ZNF136: variants seen among roughly 807,000 people sequenced by gnomAD.
ZNF136 encodes the protein zinc finger protein 136.
In ZNF136, 8 loss-of-function variants were observed where a neutral mutation model predicts 11.4. The ratio of observed to expected loss-of-function variants is 0.70; its 90% CI spans 0.41 to 1.27. The LOEUF is 1.27. Among genes scored for constraint, ZNF136 ranks in the 50% most tolerant of loss-of-function variants. The pLI, the probability that ZNF136 is intolerant of heterozygous loss-of-function variation, is 0.01. For synonymous variants in ZNF136, 190 were observed against 207.1 expected (o/e 0.92, Z 0.71); for missense variants, 590 against 656.5 (o/e 0.90, Z 1.11).
At chr19:12,168,040 T>C (rs1327251281) in intron 1 of ZNF136, among the ~76,000 whole-genome samples, 3 of 150,388 alleles carry the variant, frequency 2.0e-5, no homozygotes, top group Non-Finnish European at 4.4e-5. Context: ...ATGCCCATTT[T>C]TTTTTCTTTT....
At chr19:12,180,191 C>A (rs1262565016) in intron 1 of ZNF136, among the ~76,000 whole-genome samples, 9 of 152,188 alleles carry the variant, frequency 5.9e-5, no homozygotes, top group Non-Finnish European at 2.9e-5. Flanking sequence ...TTAAAAGTCT[C>A]CCTTATTAGT....
In ZNF136 at chr19:12,186,127, G is replaced by A. The variant is rs1346316831; in HGVS notation, c.144G>A (p.Lys48=). 1 of 1,608,928 alleles carries A rather than the reference G, an allele frequency of 6.2e-7. No individual in the cohort carries two copies. Among genetic ancestry groups the A allele is most frequent in the Non-Finnish European group, 8.5e-7 (1 of 1,178,770 alleles). Residue 48 remains lysine (K), a synonymous_variant, in exon 3 of 4, where the codon AAG becomes AAA. Transcript: ENST00000343979. ...RNLASIGKKW[K]DQNIKDHYKH... The stretch of plus-strand genomic sequence containing the variant: ...TCTCTGTTTTAGGGAAAAAATGGAA[G>A]GACCAGAACATTAAAGATCACTACA...
chr19:12,185,803 G>A lies in ZNF136; in HGVS notation c.22G>A (p.Asp8Asn). The A allele has an allele frequency of 6.2e-7, 1 of 1,613,626 alleles. No homozygotes were observed. Among genetic ancestry groups the A allele is most frequent in the Non-Finnish European group, 8.5e-7 (1 of 1,179,900 alleles). The stretch of plus-strand genomic sequence containing the variant: ...GTTTCAGGACTCGGTGGCTTTTGAG[G>A]ATGTAGATGTGAACTTCACCCAGGA... MDSVAFE[D>N]VDVNFTQEEW... Residue 8 changes from aspartate to asparagine, a missense_variant, in exon 2 of 4, where the codon GAT becomes AAT. By Grantham distance (23) the Asp-to-Asn change is conservative. Transcript: ENST00000343979.
At chr19:12,170,094 A>AT (rs1052060908) in intron 1 of ZNF136, among the ~76,000 whole-genome samples, 3 of 119,896 alleles carry the variant, frequency 2.5e-5, no homozygotes, top group African/African-American at 8.7e-5. Flanking sequence ...ACGCCCGGCC[A>AT]TTTTTTTGTA....
At position 12,163,284 on chromosome 19, in the gene ZNF136, C is replaced by T. The variant is rs367887236; in HGVS notation, c.3+78C>T. ...GACCGGAACTGGCTGTGGCGCGGCC[C>T]GGGCCTTCCCGTGGGCGACTCTGGG... On this transcript the variant is annotated intron_variant, in intron 1 of 3. Coordinates refer to ENST00000343979, the MANE Select transcript of ZNF136 (RefSeq NM_003437.5). 3.9e-3 allele frequency: 5,202 copies of T among 1,328,414 alleles called. 20 individuals are homozygous for T. The highest frequency in any genetic ancestry group is 4.7e-3 in the Non-Finnish European group (4,790 of 1,028,564). 82.3% of individuals were successfully genotyped at this position (1,328,414 alleles called of 1,614,324 possible).
At chr19:12,184,409 A>C (rs1419383212) in intron 1 of ZNF136, among the ~76,000 whole-genome samples, 1 of 152,002 alleles carries the variant, frequency 6.6e-6, no homozygotes, top group Non-Finnish European at 1.5e-5. Flanking sequence ...AAAATACAAA[A>C]AATTAGTCAG....
intron 1 of ZNF136, chr19:12,164,931 C>T (rs1234600813): frequency 6.6e-6 from 1 of 152,170 alleles, no homozygotes; most frequent in Non-Finnish European, 1.5e-5. Flanking sequence ...CACCCTATAG[C>T]TTAACAGTGC....
chr19:12,167,597 C>T (rs1013759696), intron 1 of ZNF136, among the ~76,000 whole-genome samples: 1 of 152,164 alleles, frequency 6.6e-6, no homozygotes, highest in Non-Finnish European at 1.5e-5. Flanking sequence ...CGGTGGCTCA[C>T]GCCTGAAATC....
chr19:12,166,769 AAACATT>A (rs2145625739), intron 1 of ZNF136, among the ~76,000 whole-genome samples: 1 of 152,316 alleles, frequency 6.6e-6, no homozygotes, highest in African/African-American at 2.4e-5. Context: ...TCCCTCCCAT[AAACATT>A]AAGATTGATT....
chr19:12,184,288 T>C (rs1455075025), intron 1 of ZNF136, among the ~76,000 whole-genome samples: 1 of 145,144 alleles, frequency 6.9e-6, no homozygotes, highest in Non-Finnish European at 1.5e-5. Flanking sequence ...GGGCTGGGTG[T>C]GGTGGCTCAC....
intron 1 of ZNF136, among the ~76,000 whole-genome samples, chr19:12,173,821 G>C (rs770725787): frequency 6.6e-6 from 1 of 152,168 alleles, no homozygotes; most frequent in African/African-American, 2.4e-5. Flanking sequence ...TGTGGCATCT[G>C]CTGCTGTCCC....
intron 1 of ZNF136, among the ~76,000 whole-genome samples, chr19:12,176,405 C>T (rs1311682580): frequency 6.6e-6 from 1 of 152,044 alleles, no homozygotes; most frequent in Non-Finnish European, 1.5e-5. Context: ...CGGCTCACTG[C>T]AACCTCTGCC....
chr19:12,186,143 G>A lies in ZNF136; in HGVS notation c.160G>A (p.Asp54Asn). 6.2e-7 allele frequency: 1 copy of A among 1,611,420 alleles called. No individual in the cohort carries two copies. Among genetic ancestry groups the A allele is most frequent in the Non-Finnish European group, 8.5e-7 (1 of 1,179,360 alleles). Residue 54 changes from aspartate (D) to asparagine (N), a missense_variant, in exon 3 of 4, where the codon GAT (aspartate) becomes AAT (asparagine). Asp to Asn is a conservative substitution (Grantham distance 23). Transcript: ENST00000343979. Reference sequence around the variant, plus strand: ...AAAATGGAAGGACCAGAACATTAAAGATCACTACAAACACCGAGGGAGAAA... The same window carrying A: ...AAAATGGAAGGACCAGAACATTAAAAATCACTACAAACACCGAGGGAGAAA... ...GKKWKDQNIK[D>N]HYKHRGRNLR...
intron 1 of ZNF136, among the ~76,000 whole-genome samples, chr19:12,167,566 A>G (rs189657954): frequency 1.3e-5 from 2 of 152,334 alleles, no homozygotes; most frequent in African/African-American, 4.8e-5. Context: ...TCTCAAAAAA[A>G]AGAAAAGATA....
chr19:12,186,217 T>TA, intron 3 of ZNF136, 43 bp downstream of exon 3: 1 of 1,558,932 alleles, frequency 6.4e-7, no homozygotes, highest in Non-Finnish European at 8.7e-7. Context: ...GAAAGTACCT[T>TA]AGCATGTCAT....
intron 1 of ZNF136, among the ~76,000 whole-genome samples, chr19:12,170,870 T>C (rs1200896965): frequency 1.3e-5 from 2 of 148,468 alleles, no homozygotes; most frequent in East Asian, 4.0e-4. Context: ...AGTTTCACTC[T>C]TGTTGCCCAG....
chr19:12,182,977 A>C (rs532858907), intron 1 of ZNF136, among the ~76,000 whole-genome samples: 24 of 152,350 alleles, frequency 1.6e-4, no homozygotes, highest in African/African-American at 5.8e-4. Context: ...TAAAGCTTGA[A>C]AGATAGGCTA....
rs763966323 is a variant in ZNF136, at chr19:12,186,822, C to T, written c.444C>T (p.Pro148=). 6.2e-7 allele frequency: 1 copy of T among 1,614,138 alleles called. No homozygotes were observed. The highest frequency in any genetic ancestry group is 1.7e-5 in the Admixed American group (1 of 60,002). ...KPDTRNQCWK[P]FSSHHSFRTH... The stretch of plus-strand genomic sequence containing the variant: ...ATACACGTAACCAGTGTTGGAAACC[C>T]TTCAGTTCTCACCACTCCTTTCGAA... The change falls in exon 4 of 4, where the codon CCC becomes CCT. Residue 148 remains proline (P), a synonymous_variant. Coordinates refer to ENST00000343979, the MANE Select transcript of ZNF136 (RefSeq NM_003437.5).
At chr19:12,175,086 A>G (rs988990121) in intron 1 of ZNF136, among the ~76,000 whole-genome samples, 1 of 152,184 alleles carries the variant, frequency 6.6e-6, no homozygotes. Flanking sequence ...ACAGAAAGGC[A>G]GAGTAGATTA....
Sources: gnomAD v4.1 joint callset for allele counts (sites outside exome capture counted in the v4.1 genomes callset) on GRCh38, gnomAD v4.1.1 for gene constraint, MANE v1.5 for transcripts, NCBI Gene and HGNC (gene_info 2026-07-23, HGNC 2026-07-21) for gene names.